BCKDHB: variants seen among roughly 807,000 people sequenced by gnomAD.
The protein encoded by BCKDHB is branched chain keto acid dehydrogenase E1 subunit beta, also known as 2-oxoisovalerate dehydrogenase subunit beta, mitochondrial.
Under a neutral mutation model 48.5 loss-of-function variants are expected in BCKDHB, and 41 were observed. The observed-to-expected ratio is 0.85, with a 90% CI of 0.66 to 1.10. The LOEUF (loss-of-function observed/expected upper bound fraction) is 1.10, where lower values mean the gene tolerates loss of function less well. BCKDHB is among the 50% of genes least tolerant of loss of function. BCKDHB has a pLI of 0.00. For missense variants in BCKDHB, 496 were observed against 494.2 expected, an observed-to-expected ratio of 1.00 and a Z score of -0.03; for synonymous variants, 201 against 174.8, an observed-to-expected ratio of 1.15 and a Z score of -1.18.
At chr6:80,246,117 AC>A (rs773567922) in intron 8 of BCKDHB, among the ~76,000 whole-genome samples, 40 of 152,302 alleles carry the variant, frequency 2.6e-4, no homozygotes, top group Non-Finnish European at 4.6e-4. Context: ...GACATTTTAA[AC>A]CAATATGTTA....
At chr6:80,349,545 C>T (rs1770336529), downstream of BCKDHB, among the ~76,000 whole-genome samples, 1 of 151,940 alleles carries the variant, frequency 6.6e-6, no homozygotes, top group Non-Finnish European at 1.5e-5. Flanking sequence ...AAACAAAATC[C>T]AATTAAAAGC....
chr6:80,430,090 G>A, the BCKDHB span, among the ~76,000 whole-genome samples: 1 of 152,134 alleles, frequency 6.6e-6, no homozygotes, highest in Admixed American at 6.5e-5. Context: ...GTTGAATTTT[G>A]TCAAAGGCCT....
At chr6:80,378,467 G>GTA in the BCKDHB span, among the ~76,000 whole-genome samples, 1 of 151,850 alleles carries the variant, frequency 6.6e-6, no homozygotes, top group East Asian at 1.9e-4. Flanking sequence ...GTGTGTGTGT[G>GTA]TATATATATA....
chr6:80,211,111 T>C (rs914457784), intron 8 of BCKDHB, among the ~76,000 whole-genome samples: 9 of 152,168 alleles, frequency 5.9e-5, no homozygotes, highest in Non-Finnish European at 1.2e-4. Flanking sequence ...TCATTTAATC[T>C]AGAATCAACT....
chr6:80,437,493 C>T, the BCKDHB span, among the ~76,000 whole-genome samples: 1 of 152,188 alleles, frequency 6.6e-6, no homozygotes, highest in African/African-American at 2.4e-5. Context: ...GCCATAGTTA[C>T]TACTTTCATC....
chr6:80,213,876 T>A (rs1775054559), intron 8 of BCKDHB, among the ~76,000 whole-genome samples: 1 of 152,076 alleles, frequency 6.6e-6, no homozygotes, highest in South Asian at 2.1e-4. Flanking sequence ...AGTCTCAAGA[T>A]ATTTTAGGGG....
the BCKDHB span, among the ~76,000 whole-genome samples, chr6:80,390,313 G>T: frequency 7.2e-5 from 4 of 55,748 alleles, no homozygotes; most frequent in East Asian, 2.6e-3. Context: ...GAAGGTTTGG[G>T]TCACTCCGCC....
chr6:80,129,048 G>A, intron 2 of BCKDHB, 113 bp from the exon 3 acceptor site: 1 of 812,038 alleles, frequency 1.2e-6, no homozygotes, highest in Non-Finnish European at 2.0e-6. Flanking sequence ...GAGATCTATG[G>A]TCCATTTATC....
rs73482049 is a variant in BCKDHB, at chr6:80,247,555, C to T, written c.952-25580C>T. Among the ~76,000 whole-genome samples, 737 of 152,298 alleles carry T rather than the reference C, an allele frequency of 4.8e-3. 5 individuals are homozygous for T. Among genetic ancestry groups the T allele is most frequent in the African/African-American group, 0.017 (705 of 41,564 alleles). ...GATCAAAGTTTAAATTCTGATTCCT[C>T]TTGTTCACTTGGATGTCTTTACGAT... On this transcript the variant is annotated intron_variant, in intron 8 of 9. Coordinates refer to ENST00000320393, the MANE Select transcript of BCKDHB (RefSeq NM_183050.4).
the BCKDHB span, chr6:80,374,251 A>C: frequency 1.3e-6 from 1 of 772,302 alleles, no homozygotes; most frequent in South Asian, 1.3e-5. Context: ...TCTACATCTA[A>C]ACCCTTAAGT....
At chr6:80,465,054 G>A in the BCKDHB span, among the ~76,000 whole-genome samples, 1 of 152,170 alleles carries the variant, frequency 6.6e-6, no homozygotes, top group Non-Finnish European at 1.5e-5. Flanking sequence ...GGCCAAGATA[G>A]CACCAGAGAG....
chr6:80,312,104 C>T (rs1768195000), intron 9 of BCKDHB, among the ~76,000 whole-genome samples: 1 of 152,142 alleles, frequency 6.6e-6, no homozygotes, highest in African/African-American at 2.4e-5. Flanking sequence ...TTTCTTTGAG[C>T]AGTGGTTTGT....
chr6:80,352,773 G>C, the BCKDHB span, among the ~76,000 whole-genome samples: 5 of 152,150 alleles, frequency 3.3e-5, no homozygotes, highest in African/African-American at 1.2e-4. Context: ...AATGTCAAGT[G>C]TTCTAACCAC....
At chr6:80,464,893 A>C in the BCKDHB span, among the ~76,000 whole-genome samples, 1 of 152,210 alleles carries the variant, frequency 6.6e-6, no homozygotes, top group Non-Finnish European at 1.5e-5. Context: ...TTACCCCTCC[A>C]TTGGCTTCTT....
At chr6:80,433,269 C>T in the BCKDHB span, among the ~76,000 whole-genome samples, 1 of 152,168 alleles carries the variant, frequency 6.6e-6, no homozygotes, top group Non-Finnish European at 1.5e-5. Flanking sequence ...CGCAGCCACC[C>T]CTTCCCCCAG....
intron 1 of BCKDHB, among the ~76,000 whole-genome samples, chr6:80,124,023 G>A (rs1216014979): frequency 6.6e-6 from 1 of 151,974 alleles, no homozygotes; most frequent in Non-Finnish European, 1.5e-5. Context: ...TTCTCTTGTG[G>A]GCATTTAGAG....
At chr6:80,230,289 C>T (rs12192376) in intron 8 of BCKDHB, among the ~76,000 whole-genome samples, 8,918 of 151,762 alleles carry the variant, frequency 0.059, 365 homozygotes, top group Non-Finnish European at 0.091. Context: ...CCGCCCGCCT[C>T]GGCCTCCCAA....
At chr6:80,417,970 A>G in the BCKDHB span, among the ~76,000 whole-genome samples, 14 of 152,278 alleles carry the variant, frequency 9.2e-5, no homozygotes, top group South Asian at 4.1e-4. Context: ...AGGGACACCA[A>G]TGAGTCTTAT....
chr6:80,271,383 G>C (rs563777592), intron 8 of BCKDHB, among the ~76,000 whole-genome samples: 1 of 152,210 alleles, frequency 6.6e-6, no homozygotes, highest in South Asian at 2.1e-4. Flanking sequence ...AAATCATGTT[G>C]AATCAACCTC....
Sources: gnomAD v4.1 joint callset for allele counts (sites outside exome capture counted in the v4.1 genomes callset) on GRCh38, gnomAD v4.1.1 for gene constraint, MANE v1.5 for transcripts, NCBI Gene and HGNC (gene_info 2026-07-23, HGNC 2026-07-21) for gene names.